PTCD2: variants seen among roughly 807,000 people sequenced by gnomAD.
PTCD2 encodes the protein pentatricopeptide repeat domain 2.
In PTCD2, 31 loss-of-function variants were observed where a neutral mutation model predicts 42.6. That is an observed-to-expected ratio of 0.73 (90% CI 0.55 to 0.98). The LOEUF (loss-of-function observed/expected upper bound fraction) is 0.98. Ranked by LOEUF, PTCD2 falls within the 50% of genes least tolerant of loss-of-function variation. PTCD2 has a pLI of 0.00. For missense variants in PTCD2, 476 were observed against 454.8 expected, an observed-to-expected ratio of 1.05 and a Z score of -0.42; for synonymous variants, 183 against 170.9, an observed-to-expected ratio of 1.07 and a Z score of -0.55.
intron 4 of PTCD2, among the ~76,000 whole-genome samples, chr5:72,333,407 T>A (rs1751546771): frequency 2.0e-5 from 3 of 152,210 alleles, no homozygotes; most frequent in Non-Finnish European, 4.4e-5. Flanking sequence ...TTCACTGTCT[T>A]CTCCACCAGA....
intron 6 of PTCD2, among the ~76,000 whole-genome samples, chr5:72,336,477 G>T (rs1017143091): frequency 2.0e-5 from 3 of 152,162 alleles, no homozygotes; most frequent in African/African-American, 7.2e-5. Context: ...GTATCCAGTA[G>T]TTCTTTAATA....
At chr5:72,356,739 C>T (rs1752892001) in intron 9 of PTCD2, among the ~76,000 whole-genome samples, 1 of 152,150 alleles carries the variant, frequency 6.6e-6, no homozygotes, top group Non-Finnish European at 1.5e-5. Context: ...CACATTAAGT[C>T]ATTTTCACCT....
rs1753124185 is a variant in PTCD2 at position 72,362,812 on chromosome 5, C to A, written c.*4385C>A. On this transcript the variant is annotated 3_prime_UTR_variant, in exon 10 of 10. Transcript: ENST00000380639. ...TCCCAACACAGAAAATTTTAGCCTG[C>A]CATGTTGACTCCCAGGGATCTTTTT... is the stretch of plus-strand genomic sequence containing the variant. 6.6e-6 allele frequency: 1 copy of A among 152,188 alleles called. No homozygotes were observed. The highest frequency in any genetic ancestry group is 2.1e-4 in the South Asian group (1 of 4,816). 9.4% of individuals were successfully genotyped at this position (152,188 alleles called of 1,614,324 possible). A position where few individuals can be genotyped will look rare whatever the true frequency, so the allele number is the denominator to read the frequency against.
chr5:72,347,769 T>A (rs551637618), intron 8 of PTCD2, among the ~76,000 whole-genome samples: 1 of 152,042 alleles, frequency 6.6e-6, no homozygotes, highest in African/African-American at 2.4e-5. Context: ...GAGCTAAACA[T>A]GAGCCTGCTG....
At chr5:72,326,835 T>A in intron 3 of PTCD2, 94 bp downstream of exon 3, 1 of 1,257,748 alleles carries the variant, frequency 8.0e-7, no homozygotes, top group African/African-American at 1.5e-5. Context: ...TGTTGCCACC[T>A]CTATACTAGT....
intron 7 of PTCD2, 74 bp from the exon 8 acceptor site, chr5:72,342,888 C>A: frequency 2.4e-6 from 2 of 837,272 alleles, no homozygotes; most frequent in Non-Finnish European, 1.9e-6. Flanking sequence ...GAATATACTG[C>A]CCTCTCTAAG....
intron 3 of PTCD2, among the ~76,000 whole-genome samples, chr5:72,327,341 C>T (rs745767463): frequency 4.6e-5 from 7 of 152,222 alleles, no homozygotes; most frequent in Non-Finnish European, 8.8e-5. Flanking sequence ...AGAAAGAACT[C>T]GCATGTAAGC....
chr5:72,351,625 T>C (rs1752625743), intron 8 of PTCD2, among the ~76,000 whole-genome samples: 1 of 152,082 alleles, frequency 6.6e-6, no homozygotes, highest in South Asian at 2.1e-4. Flanking sequence ...GAGAAGCAAG[T>C]GTCTTCTTCA....
chr5:72,335,582 G>A, intron 5 of PTCD2: 1 of 436,022 alleles, frequency 2.3e-6, no homozygotes, highest in Non-Finnish European at 4.1e-6. Context: ...TTTTACTTAT[G>A]CTAAAATTGT....
At chr5:72,354,366 G>C (rs994241557) in intron 9 of PTCD2, among the ~76,000 whole-genome samples, 7 of 104,126 alleles carry the variant, frequency 6.7e-5, no homozygotes, top group Admixed American at 1.6e-4. Context: ...CCTGGCGACA[G>C]AATGAGACTC....
Position 72,335,898 on chromosome 5 carries a change from C to T in PTCD2, c.639+13C>T. On this transcript the variant is annotated intron_variant, in intron 6 of 9. Transcript: ENST00000380639. ...TTGCTACAAACTGGTAAGACTCTTTCCTCTTAACTTTGAGAGCATTGTGTG... is the reference window on the plus strand; with the variant it reads ...TTGCTACAAACTGGTAAGACTCTTTTCTCTTAACTTTGAGAGCATTGTGTG... The T allele has an allele frequency of 6.5e-7, 1 of 1,533,730 alleles. No homozygotes were observed. Among genetic ancestry groups the T allele is most frequent in the South Asian group, 1.1e-5 (1 of 89,258 alleles).
In PTCD2 at chr5:72,358,475, G is replaced by A; in HGVS notation, c.*48G>A. On this transcript the variant is annotated 3_prime_UTR_variant, in exon 10 of 10. Transcript: ENST00000380639. ...GATCTGAGGGGCCTGCTTCTAGTGA[G>A]TTATTACCTTTCCTAAGAAGCCAGG... 2 of 1,377,188 alleles carry A rather than the reference G, an allele frequency of 1.5e-6. No individual in the cohort carries two copies. Among genetic ancestry groups the A allele is most frequent in the Non-Finnish European group, 2.1e-6 (2 of 975,468 alleles). The allele number at this position is 1,377,188 out of a possible 1,614,324, so 85.3% of individuals were successfully genotyped here.
At chr5:72,329,658 A>G (rs1751328666) in intron 3 of PTCD2, among the ~76,000 whole-genome samples, 1 of 149,556 alleles carries the variant, frequency 6.7e-6, no homozygotes, top group South Asian at 2.1e-4. Context: ...TTTTATAAAG[A>G]TTTATATGTT....
In PTCD2 at chr5:72,361,661, C is replaced by T. The variant is rs1028613435; in HGVS notation, c.*3234C>T. 6.6e-6 allele frequency: 1 copy of T among 152,178 alleles called. No individual in the cohort carries two copies. Among genetic ancestry groups the T allele is most frequent in the Non-Finnish European group, 1.5e-5 (1 of 68,044 alleles). The allele number at this position is 152,178 out of a possible 1,614,324, so 9.4% of individuals were successfully genotyped here. On this transcript the variant is annotated 3_prime_UTR_variant, in exon 10 of 10. Transcript: ENST00000380639. ...AACTGTAGTAGATAGTCTGTTTTCT[C>T]CCCTGTTTAAAACCTCCTGAGGACC...
chr5:72,342,602 C>G (rs1752129575), intron 7 of PTCD2, among the ~76,000 whole-genome samples: 2 of 152,210 alleles, frequency 1.3e-5, no homozygotes, highest in South Asian at 4.1e-4. Flanking sequence ...GGCAGTGTTT[C>G]CAGCTGTGCT....
At chr5:72,334,732 G>A (rs923941372) in intron 4 of PTCD2, among the ~76,000 whole-genome samples, 8 of 151,968 alleles carry the variant, frequency 5.3e-5, no homozygotes, top group Non-Finnish European at 7.4e-5. Context: ...TGTATTTTTA[G>A]TAGAGACGGG....
rs1034748075 is a variant in PTCD2, at chr5:72,359,323, T to C, written c.*896T>C. ...GCAGTTCAAAGCTGCTTCATACTTA[T>C]GGTCTCAAATATAGTATGTGTTGAA... On this transcript the variant is annotated 3_prime_UTR_variant, in exon 10 of 10. Coordinates refer to ENST00000380639, the MANE Select transcript of PTCD2 (RefSeq NM_024754.5). 6.6e-6 allele frequency: 1 copy of C among 152,198 alleles called. No individual in the cohort carries two copies. The highest frequency in any genetic ancestry group is 1.5e-5 in the Non-Finnish European group (1 of 68,040). The allele number at this position is 152,198 out of a possible 1,614,324, so 9.4% of individuals were successfully genotyped here.
At chr5:72,341,814 G>A (rs761051605) in intron 7 of PTCD2, among the ~76,000 whole-genome samples, 11 of 151,732 alleles carry the variant, frequency 7.2e-5, no homozygotes, top group Non-Finnish European at 1.3e-4. Flanking sequence ...AGGCTGAGGC[G>A]GGCAGATCAT....
rs779965649 is a variant in PTCD2 at position 72,338,651 on chromosome 5, T to A, written c.669T>A (p.Thr223=). 5.0e-6 allele frequency: 8 copies of A among 1,609,922 alleles called. No individual in the cohort carries two copies. In the Admixed American group the frequency reaches 1.3e-4, roughly 27 times the overall value. Reference sequence around the variant, plus strand: ...GCCCTGAGTCTTTCAAAATCTGTACTACATTAAGAGAAGAAGCTCTACTCA... The same window carrying A: ...GCCCTGAGTCTTTCAAAATCTGTACAACATTAAGAGAAGAAGCTCTACTCA... The part of the protein sequence containing the change: ...LNSPESFKIC[T]TLREEALLKG... Residue 223 remains threonine (T), a synonymous_variant, in exon 7 of 10, where the codon ACT becomes ACA. Transcript: ENST00000380639.
Sources: allele counts gnomAD v4.1 joint callset (sites outside exome capture counted in the v4.1 genomes callset), GRCh38; gene constraint gnomAD v4.1.1; transcripts MANE v1.5; gene names NCBI Gene and HGNC (gene_info 2026-07-23, HGNC 2026-07-21).